Variants in HACL2 observed in about 807,000 individuals in gnomAD.
The protein encoded by HACL2 is 2-hydroxyacyl-CoA lyase 2.
At chr19:15,123,622 G>T in the HACL2 span, 2 of 1,581,334 alleles carry the variant, frequency 1.3e-6, no homozygotes, top group Non-Finnish European at 1.7e-6. This position sits in a 1 kb window ranked among gnomAD's most constrained non-coding sequence, Gnocchi z 5.1. Flanking sequence ...GGCCAGGGCA[G>T]AGGGCAGCTG....
chr19:15,115,590 C>T, the HACL2 span: 7 of 1,613,648 alleles, frequency 4.3e-6, no homozygotes, highest in Middle Eastern at 1.6e-4. Flanking sequence ...CCACAGGCCA[C>T]GTTGCTGCCC....
the HACL2 span, chr19:15,119,225 A>T: frequency 1.9e-6 from 3 of 1,608,370 alleles, no homozygotes; most frequent in Non-Finnish European, 2.5e-6. Flanking sequence ...CCGGATGTGG[A>T]GGGGGTGGTT....
the HACL2 span, chr19:15,123,779 C>A: frequency 1.7e-6 from 1 of 594,368 alleles, no homozygotes; most frequent in East Asian, 2.8e-5. This position sits in a 1 kb window ranked among gnomAD's most constrained non-coding sequence, Gnocchi z 5.1. Flanking sequence ...CTTGTCATTA[C>A]ATCCCTCTTA....
chr19:15,119,369 G>A, the HACL2 span: 2 of 1,612,128 alleles, frequency 1.2e-6, no homozygotes, highest in South Asian at 2.2e-5. Context: ...AGCACCCGAG[G>A]ACTGGGGACT....
At chr19:15,116,698 G>A in the HACL2 span, 3 of 595,292 alleles carry the variant, frequency 5.0e-6, no homozygotes, top group Middle Eastern at 2.9e-4. Flanking sequence ...GCCAGAACCA[G>A]GGGAGGGCAG....
the HACL2 span, chr19:15,115,458 G>A: frequency 1.5e-5 from 24 of 1,609,930 alleles, no homozygotes; most frequent in African/African-American, 2.7e-4. Flanking sequence ...GTCGGATAGT[G>A]GCAAGGACTC....
chr19:15,122,400 G>T, the HACL2 span, among the ~76,000 whole-genome samples: 1 of 151,842 alleles, frequency 6.6e-6, no homozygotes, highest in African/African-American at 2.4e-5. This position sits in a 1 kb window ranked among gnomAD's most constrained non-coding sequence, Gnocchi z 4.0. Context: ...GGAGGAGGAA[G>T]AGGAGGAAGA....
chr19:15,119,166 C>T, the HACL2 span: 1 of 1,552,242 alleles, frequency 6.4e-7, no homozygotes, highest in Non-Finnish European at 8.7e-7. Context: ...TCAGGCCCAC[C>T]TGCTAGGACA....
the HACL2 span, chr19:15,123,247 G>T: frequency 6.2e-7 from 1 of 1,613,558 alleles, no homozygotes; most frequent in Non-Finnish European, 8.5e-7. The surrounding 1 kb of genome is among the most constrained non-coding windows in gnomAD (Gnocchi z 5.1). Context: ...ACCGTCCCTG[G>T]AACACAGAGC....
the HACL2 span, chr19:15,119,337 C>T: frequency 4.1e-5 from 65 of 1,603,826 alleles, no homozygotes; most frequent in Admixed American, 3.0e-4. Flanking sequence ...TCAGTGTGGC[C>T]GGGGCCTCCC....
the HACL2 span, chr19:15,116,236 T>C: frequency 3.1e-6 from 5 of 1,613,928 alleles, no homozygotes; most frequent in East Asian, 6.7e-5. Flanking sequence ...ACCACCAGAA[T>C]TGAGTTGTCA....
chr19:15,119,989 G>A, the HACL2 span: 1,613 of 1,548,190 alleles, frequency 1.0e-3, 27 homozygotes, highest in South Asian at 0.015. Context: ...CACCTGCTGC[G>A]GGGAAGCCTG....
At chr19:15,118,391 A>G in the HACL2 span, among the ~76,000 whole-genome samples, 1 of 152,078 alleles carries the variant, frequency 6.6e-6, no homozygotes, top group Non-Finnish European at 1.5e-5. Context: ...TTCCTTGTTC[A>G]CTTTTAGAGG....
At chr19:15,122,855 G>A in the HACL2 span, 8 of 1,612,598 alleles carry the variant, frequency 5.0e-6, no homozygotes, top group South Asian at 8.8e-5. The surrounding 1 kb of genome is among the most constrained non-coding windows in gnomAD (Gnocchi z 4.0). Context: ...CAGCCCCTCG[G>A]CCCCAGCACT....
At chr19:15,125,267 C>T in the HACL2 span, 44 of 603,760 alleles carry the variant, frequency 7.3e-5, 1 homozygote, top group East Asian at 1.3e-3. Context: ...GTGACAAGGT[C>T]ACGCCCCTCG....
the HACL2 span, among the ~76,000 whole-genome samples, chr19:15,121,736 G>C: frequency 6.7e-6 from 1 of 150,076 alleles, no homozygotes; most frequent in African/African-American, 2.5e-5. Flanking sequence ...TTGAACCCAG[G>C]GGGAGGCGGA....
the HACL2 span, chr19:15,115,555 G>A: frequency 6.2e-7 from 1 of 1,610,186 alleles, no homozygotes; most frequent in Non-Finnish European, 8.5e-7. Context: ...ACCTCGCTGA[G>A]GCCCCCTCAC....
chr19:15,116,076 G>A, the HACL2 span: 1 of 1,613,682 alleles, frequency 6.2e-7, no homozygotes, highest in Non-Finnish European at 8.5e-7. Flanking sequence ...AGGCCCCTAA[G>A]AGGACCAAGA....
the HACL2 span, among the ~76,000 whole-genome samples, chr19:15,121,998 C>T: frequency 3.3e-5 from 5 of 149,828 alleles, no homozygotes; most frequent in South Asian, 2.1e-4. Context: ...CCTGGGTTCA[C>T]GCCATTCTCC....
Sources: allele counts gnomAD v4.1 joint callset (sites outside exome capture counted in the v4.1 genomes callset), GRCh38; gene constraint gnomAD v4.1.1; non-coding constraint Gnocchi (gnomAD v3.1); transcripts MANE v1.5; gene names NCBI Gene and HGNC (gene_info 2026-07-23, HGNC 2026-07-21).